The following RASA1 variants were observed in gnomAD, a reference collection of about 807,000 sequenced individuals.
RASA1 encodes the protein RAS p21 protein activator 1.
Under a neutral mutation model 132.2 loss-of-function variants are expected in RASA1, and 25 were observed. That is an observed-to-expected ratio of 0.19 (90% CI 0.14 to 0.26). RASA1 has a LOEUF of 0.26. RASA1 is among the 10% of genes least tolerant of loss of function. RASA1 has a pLI of 1.00. For synonymous variants in RASA1, 477 were observed against 449.9 expected, an observed-to-expected ratio of 1.06 and a Z score of -0.76; for missense variants, 964 against 1,299.2, an observed-to-expected ratio of 0.74 and a Z score of 3.97.
chr5:87,306,081 T>C (rs1050827518), intron 1 of RASA1, among the ~76,000 whole-genome samples: 1 of 152,158 alleles, frequency 6.6e-6, no homozygotes, highest in African/African-American at 2.4e-5. Flanking sequence ...GATCTAAAGA[T>C]AGAAATACCA....
At chr5:87,295,540 A>G (rs1044142485) in intron 1 of RASA1, among the ~76,000 whole-genome samples, 1 of 151,398 alleles carries the variant, frequency 6.6e-6, no homozygotes, top group Admixed American at 6.6e-5. Context: ...TTTTTGAGAC[A>G]CTGTATCACC....
intron 15 of RASA1, 142 bp from the exon 16 acceptor site, chr5:87,376,251 T>C (rs937659525): frequency 1.4e-5 from 13 of 921,670 alleles, no homozygotes; most frequent in East Asian, 2.6e-5. Context: ...CAACTAAATA[T>C]TGAATTTGTG....
chr5:87,369,856 CATT>C lies in RASA1; in HGVS notation c.1656_1658del (p.Tyr553del), dbSNP rs1241144052. 6.2e-7 allele frequency: 1 copy of C among 1,612,262 alleles called. No homozygotes were observed. The highest frequency in any genetic ancestry group is 2.2e-5 in the East Asian group (1 of 44,650). Reference sequence around the variant, plus strand: ...AGTAGTTCAGCACTTTAGTGAAGAACATTACATCTTTTACTTTGCAGGAGAAAC... The same window carrying C: ...AGTAGTTCAGCACTTTAGTGAAGAACACATCTTTTACTTTGCAGGAGAAAC... On this transcript the variant is annotated inframe_deletion, in exon 12 of 25. Transcript: ENST00000274376.
intron 1 of RASA1, among the ~76,000 whole-genome samples, chr5:87,327,795 T>G (rs1317899956): frequency 6.6e-6 from 1 of 151,994 alleles, no homozygotes; most frequent in Non-Finnish European, 1.5e-5. Flanking sequence ...TGAAACCCCG[T>G]CTCTACTAAA....
intron 1 of RASA1, among the ~76,000 whole-genome samples, chr5:87,289,907 C>G (rs1754842563): frequency 6.6e-6 from 1 of 151,976 alleles, no homozygotes; most frequent in South Asian, 2.1e-4. Flanking sequence ...CCGTGCCTGG[C>G]TTAATTTTGT....
chr5:87,378,665 C>A, intron 18 of RASA1, 127 bp downstream of exon 18: 6 of 971,586 alleles, frequency 6.2e-6, no homozygotes, highest in South Asian at 4.6e-5. Flanking sequence ...AGCAGTTACA[C>A]CTGTCTGTAA....
intron 1 of RASA1, among the ~76,000 whole-genome samples, chr5:87,286,222 C>T (rs1020288252): frequency 3.3e-5 from 5 of 152,042 alleles, no homozygotes; most frequent in African/African-American, 4.8e-5. Context: ...AGGCTGGTCT[C>T]GAATGCCTGA....
intron 14 of RASA1, 79 bp from the exon 15 acceptor site, chr5:87,374,760 TA>T: frequency 6.4e-7 from 1 of 1,572,000 alleles, no homozygotes; most frequent in Non-Finnish European, 8.6e-7. Context: ...ATAGGGGGTT[TA>T]TTTGATACTA....
chr5:87,348,335 G>T (rs1171521797), intron 7 of RASA1, among the ~76,000 whole-genome samples: 2 of 151,968 alleles, frequency 1.3e-5, no homozygotes, highest in East Asian at 3.9e-4. Context: ...CATTCATTGT[G>T]CTTTCCTAAA....
chr5:87,380,775 C>T (rs1038804539), intron 20 of RASA1, among the ~76,000 whole-genome samples, 180 bp downstream of exon 20: 1 of 152,106 alleles, frequency 6.6e-6, no homozygotes, highest in Non-Finnish European at 1.5e-5. Flanking sequence ...ATTTAGCTGC[C>T]GTTTGCATTT....
Position 87,338,596 on chromosome 5 carries a change from G to A in RASA1, c.1017+505G>A, listed in dbSNP as rs968026318. 4.2e-5 allele frequency among the ~76,000 whole-genome samples: 6 copies of A among 142,464 alleles called. No individual in the cohort carries two copies. The East Asian group carries it at 1.0e-3, about 25-fold the overall frequency. The allele number at this position is 142,464 out of a possible 152,430, so 93.5% of individuals were successfully genotyped here. On this transcript the variant is annotated intron_variant, in intron 5 of 24. Coordinates refer to ENST00000274376, the MANE Select transcript of RASA1 (RefSeq NM_002890.3). ...CATGTTGGCCAGGCTGGTCTCAAAC[G>A]CCTGACCTCAAGTGTTCCACCCGCC...
At chr5:87,358,441 A>G (rs1308895545) in intron 9 of RASA1, among the ~76,000 whole-genome samples, 1 of 152,168 alleles carries the variant, frequency 6.6e-6, no homozygotes, top group Non-Finnish European at 1.5e-5. Flanking sequence ...ATCATCCTCA[A>G]TTCTTCTCTT....
chr5:87,332,813 AAG>A (rs1757693921), intron 3 of RASA1, among the ~76,000 whole-genome samples, 171 bp downstream of exon 3: 1 of 152,214 alleles, frequency 6.6e-6, no homozygotes, highest in African/African-American at 2.4e-5. Flanking sequence ...TTGAAAAAAA[AAG>A]AAAATATTTT....
chr5:87,292,615 A>G (rs1319538232), intron 1 of RASA1, among the ~76,000 whole-genome samples: 7 of 151,958 alleles, frequency 4.6e-5, no homozygotes, highest in East Asian at 1.9e-4. Context: ...TTTTCTTTCA[A>G]TGTTATGTTG....
At chr5:87,304,711 A>G (rs1464888221) in intron 1 of RASA1, among the ~76,000 whole-genome samples, 1 of 151,782 alleles carries the variant, frequency 6.6e-6, no homozygotes, top group African/African-American at 2.4e-5. Flanking sequence ...CAAGTGATCC[A>G]CCCGCATCTG....
Position 87,376,511 on chromosome 5 carries a change from A to T in RASA1, c.2130A>T (p.Ala710=). Residue 710 remains alanine (A), a synonymous_variant, in exon 16 of 25, where the codon GCA becomes GCT. Transcript: ENST00000274376. The part of the protein sequence containing the change: ...GIEPGSLRVR[A]RYSMEKIMPE... Reference sequence around the variant, plus strand: ...AACCAGGGTCCCTGCGTGTTCGAGCACGATACTCTATGGAAAAAATCATGC... The same window carrying T: ...AACCAGGGTCCCTGCGTGTTCGAGCTCGATACTCTATGGAAAAAATCATGC... 3 of 1,614,112 alleles carry T rather than the reference A, an allele frequency of 1.9e-6. No homozygotes were observed. The highest frequency in any genetic ancestry group is 2.5e-6 in the Non-Finnish European group (3 of 1,179,986).
intron 1 of RASA1, among the ~76,000 whole-genome samples, chr5:87,307,079 G>A (rs1755651107): frequency 6.6e-6 from 1 of 152,124 alleles, no homozygotes; most frequent in Admixed American, 6.5e-5. Flanking sequence ...TTGTTGTCCA[G>A]GCTGGTATTG....
chr5:87,365,692 A>G (rs776499841), intron 11 of RASA1, among the ~76,000 whole-genome samples: 1 of 152,090 alleles, frequency 6.6e-6, no homozygotes, highest in Non-Finnish European at 1.5e-5. Flanking sequence ...CATTAGACTC[A>G]TAAGATAAAA....
chr5:87,374,399 C>G (rs1033243991), intron 14 of RASA1, 79 bp downstream of exon 14: 20 of 1,277,858 alleles, frequency 1.6e-5, no homozygotes, highest in Non-Finnish European at 2.2e-5. Flanking sequence ...GTCTCTGTAT[C>G]TAAACCATCA....
Sources: allele counts gnomAD v4.1 joint callset (sites outside exome capture counted in the v4.1 genomes callset), GRCh38; gene constraint gnomAD v4.1.1; transcripts MANE v1.5; gene names NCBI Gene and HGNC (gene_info 2026-07-23, HGNC 2026-07-21).